The following MAP3K8 variants were observed in gnomAD, a reference collection of about 807,000 sequenced individuals.
MAP3K8 encodes the protein Ewing sarcoma transformant.
In MAP3K8, 22 loss-of-function variants were observed where a neutral mutation model predicts 45.8. The ratio of observed to expected loss-of-function variants is 0.48; its 90% CI spans 0.34 to 0.69. MAP3K8 has a LOEUF of 0.69. Ranked by LOEUF, MAP3K8 falls within the 30% of genes least tolerant of loss-of-function variation. The pLI is 0.01. For missense variants in MAP3K8, 419 were observed against 585.0 expected (o/e 0.72, Z 2.93); for synonymous variants, 223 against 214.3 (o/e 1.04, Z -0.36).
chr10:30,448,681 C>A (rs906728730), intron 4 of MAP3K8, among the ~76,000 whole-genome samples: 9 of 152,092 alleles, frequency 5.9e-5, no homozygotes, highest in Non-Finnish European at 1.2e-4. Flanking sequence ...GATCCACCTG[C>A]CTAGCCTTCC....
rs117537858 is a variant in MAP3K8, at chr10:30,455,221, C to T, written c.874-2863C>T. 4.8e-4 allele frequency among the ~76,000 whole-genome samples: 73 copies of T among 152,230 alleles called. 5 individuals carry two copies. In the East Asian group the frequency reaches 0.014, roughly 29 times the overall value. On this transcript the variant is annotated intron_variant, in intron 6 of 8. Transcript: ENST00000263056. Reference sequence around the variant, plus strand: ...GCATTTAATATCTGCCTAGTACACACGAGTTGAAGTTTGATAATGAACAAA... The same window carrying T: ...GCATTTAATATCTGCCTAGTACACATGAGTTGAAGTTTGATAATGAACAAA...
chr10:30,438,929 A>T lies in MAP3K8; in HGVS notation c.-10A>T. 1 of 1,579,266 alleles carries T rather than the reference A, an allele frequency of 6.3e-7. No individual in the cohort carries two copies. The highest frequency in any genetic ancestry group is 8.6e-7 in the Non-Finnish European group (1 of 1,156,272). ...TTTCTTTCCTAGACTCTCCAGAAAG[A>T]GCAACAGTAATGGAGTACATGAGCA... On this transcript the variant is annotated 5_prime_UTR_variant, in exon 3 of 9. Transcript: ENST00000263056.
rs1006777620 is a variant in MAP3K8, at chr10:30,461,008, G to A, written c.*172G>A. On this transcript the variant is annotated 3_prime_UTR_variant, in exon 9 of 9. Transcript: ENST00000263056. ...CGGCCCTGTGTGTTTGACATGTGAA[G>A]CTATTTGATATGCACCAGGTCTCAA... The A allele has an allele frequency of 5.2e-5, 34 of 653,424 alleles. No individual in the cohort carries two copies. In the African/African-American group the frequency reaches 5.6e-4, roughly 11 times the overall value. 40.5% of individuals were successfully genotyped at this position (653,424 alleles called of 1,614,324 possible).
intron 2 of MAP3K8, 92 bp downstream of exon 2, chr10:30,437,498 TG>T (rs1325941213): frequency 6.2e-6 from 1 of 162,200 alleles, no homozygotes; most frequent in East Asian, 1.9e-4. Context: ...AAGCAGTAAA[TG>T]GGAGTGTGGG....
At chr10:30,455,575 C>T (rs139875964) in intron 6 of MAP3K8, among the ~76,000 whole-genome samples, 8 of 152,152 alleles carry the variant, frequency 5.3e-5, no homozygotes, top group Non-Finnish European at 1.0e-4. Context: ...ATAGTGAATG[C>T]GAATAACAAA....
intron 6 of MAP3K8, 88 bp from the exon 7 acceptor site, chr10:30,457,996 A>T: frequency 8.4e-7 from 1 of 1,194,400 alleles, no homozygotes; most frequent in Non-Finnish European, 1.1e-6. Flanking sequence ...TTTAAGGCAA[A>T]TGAGCCAATT....
At chr10:30,447,321 A>G (rs1836374605) in intron 3 of MAP3K8, among the ~76,000 whole-genome samples, 1 of 152,178 alleles carries the variant, frequency 6.6e-6, no homozygotes, top group African/African-American at 2.4e-5. Flanking sequence ...GTTTTCCAAA[A>G]TCTTCCATGA....
intron 6 of MAP3K8, among the ~76,000 whole-genome samples, chr10:30,457,869 C>T (rs117891834): frequency 0.012 from 1,828 of 152,208 alleles, 59 homozygotes; most frequent in East Asian, 0.078. Context: ...CCGCCCACCT[C>T]AGCTGGGATT....
chr10:30,460,770 C>T lies in MAP3K8; in HGVS notation c.1338C>T (p.Ile446=), dbSNP rs375876692. Residue 446 remains isoleucine (I), a synonymous_variant, in exon 9 of 9, where the codon ATC becomes ATT. Transcript: ENST00000263056. The part of the protein sequence containing the change: ...EMLKRQRSLY[I]DLGALAGYFN... The stretch of plus-strand genomic sequence containing the variant: ...TCAAGAGGCAACGCTCTCTCTACAT[C>T]GACCTCGGCGCTCTGGCTGGCTACT... 6.2e-6 allele frequency: 10 copies of T among 1,613,874 alleles called. No individual in the cohort carries two copies. The highest frequency in any genetic ancestry group is 8.5e-6 in the Non-Finnish European group (10 of 1,179,972).
rs1836853186 is a variant in MAP3K8, at chr10:30,459,364, C to T, written c.1136C>T (p.Ala379Val). 6.2e-7 allele frequency: 1 copy of T among 1,614,174 alleles called. No individual in the cohort carries two copies. The highest frequency in any genetic ancestry group is 8.5e-7 in the Non-Finnish European group (1 of 1,180,030). Residue 379 changes from alanine to valine, a missense_variant, in exon 8 of 9, where the codon GCC becomes GTC. Around this residue, in one of 3 missense-constraint regions of MAP3K8, gnomAD observed 108 missense variants for 124.2 expected, o/e 0.87. Transcript: ENST00000263056. ...AGAAACCCCAATCACCGCCCAAGAG[C>T]CGCAGACCTACTAAAACATGAGGCC... ...LERNPNHRPR[A>V]ADLLKHEALN...
At chr10:30,455,741 C>T (rs1836709896) in intron 6 of MAP3K8, among the ~76,000 whole-genome samples, 1 of 152,180 alleles carries the variant, frequency 6.6e-6, no homozygotes, top group Non-Finnish European at 1.5e-5. Context: ...GTGAAGGGTT[C>T]GATCGCTGAC....
intron 8 of MAP3K8, among the ~76,000 whole-genome samples, chr10:30,459,841 C>CT (rs919255649): frequency 1.8e-4 from 27 of 151,070 alleles, no homozygotes; most frequent in African/African-American, 3.7e-4. Context: ...TCTTAACTCA[C>CT]TTTTTTTTTC....
chr10:30,450,304 G>C lies in MAP3K8; in HGVS notation c.551G>C (p.Cys184Ser). ...FKPSDVEIQA[C>S]FRHENIAELY... ...CCATCTGATGTGGAAATCCAGGCTT[G>C]CTTCCGGCACGAGAACATCGCAGAG... The change falls in exon 5 of 9, where the codon TGC (cysteine) becomes TCC (serine). Residue 184 changes from cysteine (C) to serine (S), a missense_variant. Around this residue, in one of 3 missense-constraint regions of MAP3K8, gnomAD observed 209 missense variants for 367.3 expected, o/e 0.57. Coordinates refer to ENST00000263056, the MANE Select transcript of MAP3K8 (RefSeq NM_005204.4). The C allele has an allele frequency of 6.2e-7, 1 of 1,611,816 alleles. No individual in the cohort carries two copies. Among genetic ancestry groups the C allele is most frequent in the Non-Finnish European group, 8.5e-7 (1 of 1,178,240 alleles).
At chr10:30,445,395 G>A (rs1836285054) in intron 3 of MAP3K8, among the ~76,000 whole-genome samples, 1 of 152,144 alleles carries the variant, frequency 6.6e-6, no homozygotes, top group Non-Finnish European at 1.5e-5. Context: ...GGGTGACAGG[G>A]CGAGACTCCG....
intron 3 of MAP3K8, among the ~76,000 whole-genome samples, chr10:30,447,210 A>G (rs1171029440): frequency 6.6e-6 from 1 of 152,232 alleles, no homozygotes; most frequent in Non-Finnish European, 1.5e-5. Context: ...ATAGATAACA[A>G]TGCATGCGAT....
rs1836009279 is a variant in MAP3K8, at chr10:30,439,111, A to G, written c.173A>G (p.Glu58Gly). 9 of 1,614,110 alleles carry G rather than the reference A, an allele frequency of 5.6e-6. No individual in the cohort carries two copies. The highest frequency in any genetic ancestry group is 6.8e-6 in the Non-Finnish European group (8 of 1,180,040). Residue 58 changes from glutamate to glycine, a missense_variant, in exon 3 of 9, where the codon GAG (glutamate) becomes GGG (glycine). Around this residue, in one of 3 missense-constraint regions of MAP3K8, gnomAD observed 102 missense variants for 93.5 expected, o/e 1.09. Transcript: ENST00000263056. The part of the protein sequence containing the change: ...TMCQDSNQND[E>G]RSKSLLLSGQ... ...TGTCAAGACAGTAATCAAAACGATG[A>G]GCGTTCTAAGTCTCTGCTGCTTAGT... is the stretch of plus-strand genomic sequence containing the variant.
chr10:30,446,512 G>T (rs192447760), intron 3 of MAP3K8, among the ~76,000 whole-genome samples: 1 of 147,536 alleles, frequency 6.8e-6, no homozygotes, highest in Non-Finnish European at 1.5e-5. Flanking sequence ...TCCAGCCTAG[G>T]CAACAGAGCA....
At chr10:30,454,048 C>T (rs1332809415) in intron 6 of MAP3K8, among the ~76,000 whole-genome samples, 1 of 152,022 alleles carries the variant, frequency 6.6e-6, no homozygotes, top group African/African-American at 2.4e-5. Context: ...GTGATGGGCA[C>T]AAGGTTGGAT....
chr10:30,450,585 T>C, intron 5 of MAP3K8, 66 bp downstream of exon 5: 1 of 1,480,052 alleles, frequency 6.8e-7, no homozygotes, highest in Non-Finnish European at 9.4e-7. Flanking sequence ...ACAAACAAGC[T>C]CCTTCCTGTA....
Sources: allele counts gnomAD v4.1 joint callset (sites outside exome capture counted in the v4.1 genomes callset), GRCh38; gene constraint gnomAD v4.1.1; regional missense constraint gnomAD v4.1.1; transcripts MANE v1.5; gene names NCBI Gene and HGNC (gene_info 2026-07-23, HGNC 2026-07-21).